The following ADAMTS17 variants were observed in gnomAD, a reference collection of about 807,000 sequenced individuals.
ADAMTS17 encodes the protein ADAM metallopeptidase with thrombospondin type 1 motif 17, also known as A disintegrin and metalloproteinase with thrombospondin motifs 17.
A neutral mutation model predicts 141.5 loss-of-function variants in ADAMTS17; 113 were observed. The observed-to-expected ratio is 0.80, with a 90% CI of 0.69 to 0.93. ADAMTS17 has a LOEUF of 0.93. Among genes scored for constraint, ADAMTS17 ranks in the 40% least tolerant of loss-of-function variants. The probability of loss-of-function intolerance (pLI) is 0.00; values close to 1 mark genes in which losing one functional copy is unlikely to be tolerated. For synonymous variants in ADAMTS17, 768 were observed against 630.6 expected (o/e 1.22, Z -3.27); for missense variants, 1,659 against 1,517.9 (o/e 1.09, Z -1.54).
chr15:100,060,594 G>A (rs1443808237), intron 15 of ADAMTS17, among the ~76,000 whole-genome samples: 1 of 152,232 alleles, frequency 6.6e-6, no homozygotes, highest in Non-Finnish European at 1.5e-5. Flanking sequence ...AGAAGCCCGA[G>A]TGGGGTTCTT....
chr15:100,109,924 C>A (rs182054540), intron 13 of ADAMTS17, among the ~76,000 whole-genome samples: 1 of 152,052 alleles, frequency 6.6e-6, no homozygotes, highest in African/African-American at 2.4e-5. Context: ...ATGCACTGTG[C>A]ACACACCTCC....
At chr15:99,979,910 A>G (rs1244445511) in intron 20 of ADAMTS17, 1 of 152,244 alleles carries the variant, frequency 6.6e-6, no homozygotes, top group Non-Finnish European at 1.5e-5. Context: ...ACATCACTAG[A>G]GACTTTTATA....
At chr15:100,021,882 C>T (rs150663601) in intron 18 of ADAMTS17, among the ~76,000 whole-genome samples, 86 of 152,174 alleles carry the variant, frequency 5.7e-4, no homozygotes, top group East Asian at 1.2e-3. Context: ...CCTCATTTCT[C>T]GGTTGGCCAA....
intron 8 of ADAMTS17, among the ~76,000 whole-genome samples, chr15:100,194,724 G>A (rs1476340779): frequency 6.6e-6 from 1 of 152,096 alleles, no homozygotes; most frequent in Non-Finnish European, 1.5e-5. Context: ...TCGGCATGTT[G>A]GATGCTGACA....
intron 15 of ADAMTS17, among the ~76,000 whole-genome samples, chr15:100,072,683 G>C (rs562110076): frequency 0.041 from 6,268 of 152,014 alleles, 446 homozygotes; most frequent in African/African-American, 0.14. Context: ...ATAAATGGTG[G>C]CGGGAAAACT....
At chr15:100,136,309 T>C (rs1231827687) in intron 10 of ADAMTS17, among the ~76,000 whole-genome samples, 1 of 152,158 alleles carries the variant, frequency 6.6e-6, no homozygotes, top group African/African-American at 2.4e-5. Flanking sequence ...ACCTTTGTCG[T>C]CAGCTTAAGA....
intron 19 of ADAMTS17, among the ~76,000 whole-genome samples, chr15:99,994,285 G>A (rs192341618): frequency 7.0e-4 from 107 of 152,212 alleles, no homozygotes; most frequent in Non-Finnish European, 1.3e-3. Flanking sequence ...TATGGCAGGC[G>A]ACAGCACTGA....
intron 17 of ADAMTS17, among the ~76,000 whole-genome samples, chr15:100,049,850 CTGTGCCTCAG>C (rs1394749240): frequency 6.6e-6 from 1 of 152,218 alleles, no homozygotes; most frequent in Non-Finnish European, 1.5e-5. Context: ...CTTAACTTCC[CTGTGCCTCAG>C]GGTGCCTCAG....
chr15:100,272,508 A>G (rs1174663273), intron 4 of ADAMTS17, among the ~76,000 whole-genome samples: 3 of 150,500 alleles, frequency 2.0e-5, no homozygotes, highest in Non-Finnish European at 4.4e-5. Context: ...GCATATAGAA[A>G]TGCAACTGAT....
chr15:100,133,117 G>C (rs2038139631), intron 11 of ADAMTS17, 97 bp downstream of exon 11: 2 of 1,203,314 alleles, frequency 1.7e-6, no homozygotes, highest in African/African-American at 1.5e-5. Context: ...TGTTTCAGGG[G>C]CTCCTAAGTA....
chr15:100,269,950 C>A (rs1393867976), intron 4 of ADAMTS17, among the ~76,000 whole-genome samples: 1 of 152,188 alleles, frequency 6.6e-6, no homozygotes, highest in East Asian at 1.9e-4. Context: ...AATCCCCAAC[C>A]AATACAAGAA....
At chr15:100,157,721 T>G (rs1460421504) in intron 8 of ADAMTS17, among the ~76,000 whole-genome samples, 5 of 144,546 alleles carry the variant, frequency 3.5e-5, no homozygotes, top group African/African-American at 1.3e-4. Context: ...ACAAGTGTGT[T>G]GATCTGGCGT....
chr15:100,061,245 C>A (rs1295662228), intron 15 of ADAMTS17, among the ~76,000 whole-genome samples: 1 of 152,194 alleles, frequency 6.6e-6, no homozygotes, highest in African/African-American at 2.4e-5. Flanking sequence ...TGAGAGGCTC[C>A]ATGAACGGCA....
At chr15:100,115,189 A>G (rs1596472793) in intron 13 of ADAMTS17, among the ~76,000 whole-genome samples, 1 of 152,170 alleles carries the variant, frequency 6.6e-6, no homozygotes, top group East Asian at 1.9e-4. Context: ...TCTCGCTTCC[A>G]ATTAGGGGTC....
rs147553269 is a variant in ADAMTS17 at position 100,158,660 on chromosome 15, C to A, written c.1182-3340G>T. Among the ~76,000 whole-genome samples, 641 of 152,280 alleles carry A rather than the reference C, an allele frequency of 4.2e-3. 4 individuals carry two copies. The highest frequency in any genetic ancestry group is 0.01 in the Middle Eastern group (3 of 294). ...TCTATGAATTTGACTATCTTAGATG[C>A]CTTATGTAAGTGGAATCCTGCAGTA... On this transcript the variant is annotated intron_variant, in intron 8 of 21. Transcript: ENST00000268070.
At chr15:100,306,699 C>A in intron 3 of ADAMTS17, 1 of 401,422 alleles carries the variant, frequency 2.5e-6, no homozygotes, top group Non-Finnish European at 5.0e-6. Context: ...GCAACAGGGA[C>A]TGAGACAGCA....
At chr15:100,155,047 C>T (rs1307784294) in intron 9 of ADAMTS17, 133 bp downstream of exon 9, 13 of 1,350,024 alleles carry the variant, frequency 9.6e-6, no homozygotes, top group East Asian at 2.4e-5. Context: ...CTGCGCTGAC[C>T]GCCTCCTGAG....
rs1035224583 is a variant in ADAMTS17 at position 100,227,198 on chromosome 15, C to T, written c.1075+26938G>A. Among the ~76,000 whole-genome samples, 7 of 152,294 alleles carry T rather than the reference C, an allele frequency of 4.6e-5. No homozygotes were observed. In the East Asian group the frequency reaches 1.2e-3, roughly 25 times the overall value. ...TGTTTCAACCATCTCCTGAACACTT[C>T]CACCTGGATTTCTCACAGGCTAAAG... On this transcript the variant is annotated intron_variant, in intron 7 of 21. Coordinates refer to ENST00000268070, the MANE Select transcript of ADAMTS17 (RefSeq NM_139057.4).
intron 8 of ADAMTS17, among the ~76,000 whole-genome samples, chr15:100,169,679 G>A (rs537138167): frequency 4.0e-4 from 61 of 152,314 alleles, no homozygotes; most frequent in African/African-American, 1.3e-3. Context: ...TAAGCTGTGC[G>A]GAAGTGGCCA....
Sources: allele counts gnomAD v4.1 joint callset (sites outside exome capture counted in the v4.1 genomes callset), GRCh38; gene constraint gnomAD v4.1.1; transcripts MANE v1.5; gene names NCBI Gene and HGNC (gene_info 2026-07-23, HGNC 2026-07-21).